Variants in FGFR2 observed in about 807,000 individuals in gnomAD.
FGFR2 encodes the protein BEK fibroblast growth factor receptor.
Under a neutral mutation model 95.9 loss-of-function variants are expected in FGFR2, and 19 were observed. The observed-to-expected ratio is 0.20, with a 90% CI of 0.14 to 0.29. The LOEUF (loss-of-function observed/expected upper bound fraction) is 0.29, where lower values mean the gene tolerates loss of function less well. Among genes scored for constraint, FGFR2 ranks in the 10% least tolerant of loss-of-function variants. The pLI, the probability that FGFR2 is intolerant of heterozygous loss-of-function variation, is 1.00. For missense variants in FGFR2, 707 were observed against 1,056.9 expected (o/e 0.67, Z 4.59); for synonymous variants, 392 against 393.3 (o/e 1.00, Z 0.04).
chr10:121,482,290 A>G lies in FGFR2; in HGVS notation c.2301+1408T>C, dbSNP rs1003411050. On this transcript the variant is annotated intron_variant, in intron 17 of 17. Transcript: ENST00000358487. ...GAAAGTTGGTTTCTTCCCCCCCTTG[A>G]ACCGTTCCTTTCCTTTCAACTTCTG... 8 of 879,400 alleles carry G rather than the reference A, an allele frequency of 9.1e-6. No individual in the cohort carries two copies. In the East Asian group the frequency reaches 1.6e-4, roughly 17 times the overall value. The allele number at this position is 879,400 out of a possible 1,614,324, so 54.5% of individuals were successfully genotyped here.
intron 9 of FGFR2, among the ~76,000 whole-genome samples, chr10:121,512,910 C>T (rs1370818344): frequency 6.6e-6 from 1 of 152,014 alleles, no homozygotes; most frequent in African/African-American, 2.4e-5. Context: ...ACTCTTGTTG[C>T]CCAGGCTGGA....
intron 2 of FGFR2, among the ~76,000 whole-genome samples, chr10:121,566,458 G>A (rs1055042726): frequency 6.6e-6 from 1 of 152,090 alleles, no homozygotes; most frequent in African/African-American, 2.4e-5. Flanking sequence ...GGTGCTGTGT[G>A]CCCCCGACTC....
chr10:121,592,879 C>G (rs905092733), intron 2 of FGFR2, among the ~76,000 whole-genome samples: 1 of 152,142 alleles, frequency 6.6e-6, no homozygotes, highest in African/African-American at 2.4e-5. Context: ...AAAAATAACT[C>G]AGCTACCAAT....
At chr10:121,522,222 G>A (rs151062425) in intron 6 of FGFR2, among the ~76,000 whole-genome samples, 6 of 152,306 alleles carry the variant, frequency 3.9e-5, no homozygotes, top group African/African-American at 9.6e-5. Flanking sequence ...GCACAGCATC[G>A]TGCCTATAGT....
chr10:121,526,248 A>G, intron 6 of FGFR2: 1 of 398,614 alleles, frequency 2.5e-6, no homozygotes, highest in Non-Finnish European at 4.4e-6. Flanking sequence ...AACAACTGAG[A>G]ATTCTTTTTC....
chr10:121,489,738 G>C (rs992774820), intron 13 of FGFR2, among the ~76,000 whole-genome samples: 12 of 152,110 alleles, frequency 7.9e-5, no homozygotes, highest in African/African-American at 2.7e-4. Flanking sequence ...TTCCTCCCAA[G>C]TCCTGTTGAT....
intron 2 of FGFR2, among the ~76,000 whole-genome samples, chr10:121,578,104 A>AGCC (rs1315195595): frequency 6.6e-6 from 1 of 152,170 alleles, no homozygotes; most frequent in Non-Finnish European, 1.5e-5. Context: ...CAATGCGCCT[A>AGCC]ACCCATCACC....
chr10:121,481,697 T>C (rs3135818), intron 17 of FGFR2: 3,179 of 228,826 alleles, frequency 0.014, 37 homozygotes, highest in Non-Finnish European at 0.018. Flanking sequence ...TCTGCTTTTT[T>C]ATTTTAGGGT....
At chr10:121,513,978 T>C (rs1355918754) in intron 9 of FGFR2, among the ~76,000 whole-genome samples, 1 of 152,106 alleles carries the variant, frequency 6.6e-6, no homozygotes, top group East Asian at 1.9e-4. Flanking sequence ...CATTCCTACC[T>C]GAAGTCCCGG....
chr10:121,479,666 T>G lies in FGFR2; in HGVS notation c.*191A>C. ...GTCCACTGCTCCAGAAACCTTCTTC[T>G]CCTCCTGGGGAAGATTACAAGTTTT... On this transcript the variant is annotated 3_prime_UTR_variant, in exon 18 of 18. Coordinates refer to ENST00000358487, the MANE Select transcript of FGFR2 (RefSeq NM_000141.5). 1 of 1,553,296 alleles carries G rather than the reference T, an allele frequency of 6.4e-7. No individual in the cohort carries two copies. Among genetic ancestry groups the G allele is most frequent in the Non-Finnish European group, 8.7e-7 (1 of 1,147,712 alleles).
At chr10:121,581,575 CAA>C (rs67205229) in intron 2 of FGFR2, among the ~76,000 whole-genome samples, 136 of 121,974 alleles carry the variant, frequency 1.1e-3, no homozygotes, top group East Asian at 9.1e-3. Context: ...CCATCTCTAC[CAA>C]AAAAAAAAAA....
chr10:121,488,401 C>A (rs541613592), intron 13 of FGFR2, among the ~76,000 whole-genome samples: 1 of 151,850 alleles, frequency 6.6e-6, no homozygotes, highest in Non-Finnish European at 1.5e-5. Context: ...ATTAGCCGAG[C>A]GTGGTGGTGT....
intron 16 of FGFR2, among the ~76,000 whole-genome samples, chr10:121,484,090 A>G (rs566031268): frequency 2.6e-5 from 4 of 152,200 alleles, no homozygotes; most frequent in South Asian, 4.1e-4. Context: ...ACATCTCACA[A>G]TGGCGTCACA....
chr10:121,494,680 A>G (rs1438334550), intron 13 of FGFR2, among the ~76,000 whole-genome samples: 2 of 152,116 alleles, frequency 1.3e-5, no homozygotes, highest in Admixed American at 6.5e-5. Context: ...TGCTGTCTCC[A>G]TGTCCTGCCC....
At chr10:121,556,601 G>A (rs1856195671) in intron 4 of FGFR2, among the ~76,000 whole-genome samples, 1 of 152,138 alleles carries the variant, frequency 6.6e-6, no homozygotes, top group East Asian at 1.9e-4. Context: ...ACAGCCAGAG[G>A]CCGGGCTGAG....
rs1857518934 is a variant in FGFR2 at position 121,565,337 on chromosome 10, G to A, written c.376+101C>T. 13 of 1,465,728 alleles carry A rather than the reference G, an allele frequency of 8.9e-6. No individual in the cohort carries two copies. The South Asian group carries it at 1.5e-4, about 17-fold the overall frequency. 90.8% of individuals were successfully genotyped at this position (1,465,728 alleles called of 1,614,324 possible). Reference sequence around the variant, plus strand: ...TCAAAAACTATGAAGCTGTATGCCTGGCATCCAATTACAATTAGAGATCTC... The same window carrying A: ...TCAAAAACTATGAAGCTGTATGCCTAGCATCCAATTACAATTAGAGATCTC... On this transcript the variant is annotated intron_variant, in intron 3 of 17. Coordinates refer to ENST00000358487, the MANE Select transcript of FGFR2 (RefSeq NM_000141.5).
chr10:121,559,892 AC>A (rs1856703829), intron 4 of FGFR2, among the ~76,000 whole-genome samples: 1 of 152,146 alleles, frequency 6.6e-6, no homozygotes, highest in Admixed American at 6.5e-5. Flanking sequence ...TGTAATCCAT[AC>A]CTTGCTGTTG....
In FGFR2 at chr10:121,549,650, T is replaced by C. The variant is rs574649986; in HGVS notation, c.624+1640A>G. 1.3e-4 allele frequency among the ~76,000 whole-genome samples: 20 copies of C among 152,302 alleles called. 1 individual carries two copies. In the South Asian group the frequency reaches 4.1e-3, roughly 32 times the overall value. On this transcript the variant is annotated intron_variant, in intron 5 of 17. Transcript: ENST00000358487. ...GCTCTCTCTCTCTCTGGCTCCTCCT[T>C]TGCTCAACCTGATGACAGCAGCTGC... is the stretch of plus-strand genomic sequence containing the variant.
rs375131087 is a variant in FGFR2 at position 121,573,026 on chromosome 10, G to T, written c.110-7322C>A. 7.2e-5 allele frequency among the ~76,000 whole-genome samples: 11 copies of T among 152,382 alleles called. No individual in the cohort carries two copies. The South Asian group carries it at 2.3e-3, about 32-fold the overall frequency. On this transcript the variant is annotated intron_variant, in intron 2 of 17. Transcript: ENST00000358487. ...TCTCACCCATCTCAGCGGGAGGGTTGTCTTGAGACAGTTGAAACAGCAAAA... is the reference window on the plus strand; with the variant it reads ...TCTCACCCATCTCAGCGGGAGGGTTTTCTTGAGACAGTTGAAACAGCAAAA...
Sources: allele counts gnomAD v4.1 joint callset (sites outside exome capture counted in the v4.1 genomes callset), GRCh38; gene constraint gnomAD v4.1.1; transcripts MANE v1.5; gene names NCBI Gene and HGNC (gene_info 2026-07-23, HGNC 2026-07-21).